PIP4K2A: variants seen among roughly 807,000 people sequenced by gnomAD.
The protein encoded by PIP4K2A is phosphatidylinositol-5-phosphate 4-kinase type 2 alpha.
Under a neutral mutation model 42.9 loss-of-function variants are expected in PIP4K2A, and 14 were observed. The ratio of observed to expected loss-of-function variants is 0.33; its 90% CI spans 0.22 to 0.51. The LOEUF (loss-of-function observed/expected upper bound fraction) is 0.51, where lower values mean the gene tolerates loss of function less well. PIP4K2A is among the 20% of genes least tolerant of loss of function. PIP4K2A has a pLI of 0.97. For synonymous variants in PIP4K2A, 192 were observed against 192.2 expected (o/e 1.00, Z 0.01); for missense variants, 434 against 519.8 (o/e 0.83, Z 1.61).
chr10:22,583,915 G>A (rs1175092275), intron 4 of PIP4K2A, among the ~76,000 whole-genome samples: 1 of 152,216 alleles, frequency 6.6e-6, no homozygotes, highest in South Asian at 2.1e-4. Context: ...CCCAACATAG[G>A]AGCCTCTAGG....
chr10:22,651,113 C>T (rs1268819764), intron 1 of PIP4K2A, among the ~76,000 whole-genome samples: 1 of 152,150 alleles, frequency 6.6e-6, no homozygotes, highest in East Asian at 1.9e-4. Flanking sequence ...GTTAATTATG[C>T]CAGAAAACCA....
At position 22,591,795 on chromosome 10, in the gene PIP4K2A, GT is replaced by G; in HGVS notation, c.340-15del. The G allele has an allele frequency of 6.3e-7, 1 of 1,597,980 alleles. No individual in the cohort carries two copies. On this transcript the variant is annotated splice_polypyrimidine_tract_variant and intron_variant, in intron 3 of 9. Coordinates refer to ENST00000376573, the MANE Select transcript of PIP4K2A (RefSeq NM_005028.5). ...GGTCAGGGAATTCTTCCCGGGTGGG[GT>G]AAGAGGGGAAGGAAGGCGGGGGAAG...
chr10:22,571,340 G>A (rs897114371), intron 5 of PIP4K2A, among the ~76,000 whole-genome samples: 4 of 152,222 alleles, frequency 2.6e-5, no homozygotes, highest in African/African-American at 9.6e-5. Flanking sequence ...GACAGGGCTT[G>A]TGGCCAGTGA....
intron 1 of PIP4K2A, among the ~76,000 whole-genome samples, chr10:22,627,434 A>AGGTT (rs1838462995): frequency 6.6e-6 from 1 of 152,012 alleles, no homozygotes; most frequent in African/African-American, 2.4e-5. Context: ...TTAGGTGAAT[A>AGGTT]ATACAGATCT....
At chr10:22,607,060 C>T (rs548887798) in intron 3 of PIP4K2A, among the ~76,000 whole-genome samples, 29 of 152,196 alleles carry the variant, frequency 1.9e-4, no homozygotes, top group African/African-American at 6.5e-4. Context: ...TGTGGCATCA[C>T]GTTGATGATC....
intron 5 of PIP4K2A, among the ~76,000 whole-genome samples, chr10:22,569,681 CTGTGTG>C (rs748006080): frequency 8.0e-4 from 121 of 152,082 alleles, no homozygotes; most frequent in Non-Finnish European, 1.6e-3. Context: ...CTGTCTGTGT[CTGTGTG>C]TGTGTTTCCT....
chr10:22,551,396 A>G (rs1836407976), intron 6 of PIP4K2A, among the ~76,000 whole-genome samples: 1 of 152,246 alleles, frequency 6.6e-6, no homozygotes, highest in South Asian at 2.1e-4. Flanking sequence ...TCTTCTCTTA[A>G]CATAAACGTA....
At chr10:22,621,761 T>C (rs532310924) in intron 1 of PIP4K2A, among the ~76,000 whole-genome samples, 1 of 152,366 alleles carries the variant, frequency 6.6e-6, no homozygotes, top group Admixed American at 6.5e-5. Flanking sequence ...GGGGATGGCA[T>C]GTACAGTTCA....
intron 1 of PIP4K2A, among the ~76,000 whole-genome samples, chr10:22,664,096 TATATATAC>T (rs1564459900): frequency 5.2e-4 from 43 of 82,794 alleles, no homozygotes; most frequent in African/African-American, 3.5e-3. Context: ...TATACATATA[TATATATAC>T]ATATATATAT....
intron 1 of PIP4K2A, among the ~76,000 whole-genome samples, chr10:22,700,689 G>C (rs1454556202): frequency 6.6e-6 from 1 of 152,168 alleles, no homozygotes; most frequent in Non-Finnish European, 1.5e-5. Context: ...CTTTGTGCAG[G>C]TCATGTAGAA....
intron 3 of PIP4K2A, among the ~76,000 whole-genome samples, chr10:22,598,544 A>C (rs1180217598): frequency 6.6e-6 from 1 of 152,208 alleles, no homozygotes; most frequent in Non-Finnish European, 1.5e-5. Flanking sequence ...GCCCCTGCTC[A>C]CTTCCCTGTG....
chr10:22,692,903 A>C (rs1405699009), intron 1 of PIP4K2A, among the ~76,000 whole-genome samples: 1 of 152,208 alleles, frequency 6.6e-6, no homozygotes, highest in African/African-American at 2.4e-5. Context: ...AATGTTCGTC[A>C]AGGAATCATT....
At position 22,567,858 on chromosome 10, in the gene PIP4K2A, T is replaced by C. The variant is rs749572822; in HGVS notation, c.671A>G (p.Lys224Arg). The change falls in exon 6 of 10, where the codon AAA (lysine) becomes AGA (arginine). Residue 224 changes from lysine (K) to arginine (R), a missense_variant. By Grantham distance (26) the Lys-to-Arg change is conservative. Coordinates refer to ENST00000376573, the MANE Select transcript of PIP4K2A (RefSeq NM_005028.5). ...GSTVAREASD[K>R]EKAKELPTLK... ...ATACAGCAAGGTACTTACCTTTTCT[T>C]TGTCACTAGCTTCTCTAGCCACTGT... 6.2e-7 allele frequency: 1 copy of C among 1,613,766 alleles called. No homozygotes were observed. Among genetic ancestry groups the C allele is most frequent in the Non-Finnish European group, 8.5e-7 (1 of 1,179,626 alleles).
chr10:22,656,977 C>T (rs867382960), intron 1 of PIP4K2A, among the ~76,000 whole-genome samples: 3 of 152,108 alleles, frequency 2.0e-5, no homozygotes, highest in South Asian at 2.1e-4. Flanking sequence ...CTAAATGATT[C>T]GCCAGTTAGA....
At position 22,535,373 on chromosome 10, in the gene PIP4K2A, T is replaced by C. The variant is rs1835893511; in HGVS notation, c.*1828A>G. 6.6e-6 allele frequency: 1 copy of C among 152,218 alleles called. No individual in the cohort carries two copies. Among genetic ancestry groups the C allele is most frequent in the South Asian group, 2.1e-4 (1 of 4,836 alleles). The allele number at this position is 152,218 out of a possible 1,614,324, so 9.4% of individuals were successfully genotyped here. A position where few individuals can be genotyped will look rare whatever the true frequency, so the allele number is the denominator to read the frequency against. ...TCTGTACACTACGTGACAGTGGTGT[T>C]AACACTGGCTGCTGAGGATACCAAA... On this transcript the variant is annotated 3_prime_UTR_variant, in exon 10 of 10. Transcript: ENST00000376573.
chr10:22,646,420 T>C (rs970686696), intron 1 of PIP4K2A: 1 of 152,266 alleles, frequency 6.6e-6, no homozygotes, highest in Non-Finnish European at 1.5e-5. Flanking sequence ...TCAACAGCTC[T>C]GACAGCTCAT....
chr10:22,709,885 G>A (rs1479068595), intron 1 of PIP4K2A, among the ~76,000 whole-genome samples: 1 of 151,992 alleles, frequency 6.6e-6, no homozygotes, highest in Non-Finnish European at 1.5e-5. Flanking sequence ...GAGGAGACTA[G>A]TTCTTGAATG....
intron 1 of PIP4K2A, among the ~76,000 whole-genome samples, chr10:22,627,588 TAATAAAAAAAAAAAAAAA>T (rs1838468473): frequency 1.3e-4 from 5 of 38,954 alleles, no homozygotes; most frequent in African/African-American, 2.9e-4. Context: ...AGCTAATATG[TAATAAAAAAAAAAAAAAA>T]AAAAAAAAAA....
intron 1 of PIP4K2A, among the ~76,000 whole-genome samples, chr10:22,649,753 T>A (rs1215602663): frequency 1.3e-5 from 2 of 152,186 alleles, no homozygotes; most frequent in African/African-American, 4.8e-5. Context: ...GTAAGAGGGA[T>A]GGCCATACCC....
Sources: allele counts gnomAD v4.1 joint callset (sites outside exome capture counted in the v4.1 genomes callset), GRCh38; gene constraint gnomAD v4.1.1; transcripts MANE v1.5; gene names NCBI Gene and HGNC (gene_info 2026-07-23, HGNC 2026-07-21).